The following TNIP1 variants were observed in gnomAD, a reference collection of about 807,000 sequenced individuals.
The protein encoded by TNIP1 is TNFAIP3-interacting protein 1.
A neutral mutation model predicts 86.6 loss-of-function variants in TNIP1; 22 were observed. The ratio of observed to expected loss-of-function variants is 0.25; its 90% CI spans 0.18 to 0.36. The LOEUF (loss-of-function observed/expected upper bound fraction) is 0.36, where lower values mean the gene tolerates loss of function less well. Ranked by LOEUF, TNIP1 falls within the 10% of genes least tolerant of loss-of-function variation. TNIP1 has a pLI of 1.00. For missense variants in TNIP1, 709 were observed against 820.6 expected, an observed-to-expected ratio of 0.86 and a Z score of 1.66; for synonymous variants, 294 against 313.0, an observed-to-expected ratio of 0.94 and a Z score of 0.64.
In TNIP1 at chr5:151,034,945, G is replaced by A. The variant is rs375246593; in HGVS notation, c.1587+57C>T. ...CACACACTGTGCATCCATCAGGCTA[G>A]CTCCATGAGGAAGGTAAGAGGATGT... On this transcript the variant is annotated intron_variant, in intron 15 of 17. Coordinates refer to ENST00000521591, the MANE Select transcript of TNIP1 (RefSeq NM_006058.5). The A allele has an allele frequency of 2.5e-6, 4 of 1,596,538 alleles. No individual in the cohort carries two copies. The African/African-American group carries it at 5.4e-5, about 21-fold the overall frequency.
At chr5:151,056,013 G>A (rs1760613121) in intron 6 of TNIP1, among the ~76,000 whole-genome samples, 1 of 152,234 alleles carries the variant, frequency 6.6e-6, no homozygotes, top group Admixed American at 6.5e-5. Flanking sequence ...GCATGGACTA[G>A]GTTCTGGACT....
chr5:151,086,688 A>G (rs1230455484), intron 1 of TNIP1, among the ~76,000 whole-genome samples: 1 of 152,322 alleles, frequency 6.6e-6, no homozygotes, highest in Middle Eastern at 3.4e-3. Flanking sequence ...TCTCACACAC[A>G]CAAACACCCA....
intron 6 of TNIP1, among the ~76,000 whole-genome samples, chr5:151,052,820 T>C (rs1760127836): frequency 6.6e-6 from 1 of 152,192 alleles, no homozygotes; most frequent in Non-Finnish European, 1.5e-5. Flanking sequence ...CTGGGACCCC[T>C]AACCATCCTC....
At chr5:151,060,793 T>A (rs1183765012) in intron 4 of TNIP1, among the ~76,000 whole-genome samples, 1 of 152,214 alleles carries the variant, frequency 6.6e-6, no homozygotes, top group Non-Finnish European at 1.5e-5. Flanking sequence ...GAAACTACAG[T>A]ATACAGTTGG....
chr5:151,077,857 C>T (rs552826137), intron 1 of TNIP1, among the ~76,000 whole-genome samples: 15 of 152,212 alleles, frequency 9.9e-5, no homozygotes, highest in Non-Finnish European at 2.1e-4. Context: ...GTATCAAAAT[C>T]TTTTAGGGTC....
chr5:151,084,169 A>G (rs1764185575), upstream of TNIP1, among the ~76,000 whole-genome samples: 1 of 152,204 alleles, frequency 6.6e-6, no homozygotes, highest in Non-Finnish European at 1.5e-5. Context: ...CAGGCAGGGC[A>G]TGCCGTGGCT....
chr5:151,059,801 GAGAGAGAGA>G (rs1761171974), intron 5 of TNIP1, among the ~76,000 whole-genome samples: 1 of 108,466 alleles, frequency 9.2e-6, no homozygotes, highest in African/African-American at 4.6e-5. Flanking sequence ...GAGAGAGAGA[GAGAGAGAGA>G]GAGAGAGAGA....
chr5:151,032,088 A>G, intron 17 of TNIP1, 199 bp downstream of exon 17: 2 of 586,236 alleles, frequency 3.4e-6, no homozygotes, highest in Non-Finnish European at 6.0e-6. Context: ...CTGGCATTAG[A>G]TAATGCACTA....
chr5:151,049,694 G>C, intron 8 of TNIP1, 130 bp downstream of exon 8: 1 of 1,149,054 alleles, frequency 8.7e-7, no homozygotes, highest in South Asian at 1.4e-5. Flanking sequence ...AAAAAAACAC[G>C]TAACAGCTAG....
At chr5:151,081,542 A>G (rs929157823), upstream of TNIP1, among the ~76,000 whole-genome samples, 11 of 152,344 alleles carry the variant, frequency 7.2e-5, no homozygotes, top group African/African-American at 2.4e-4. Context: ...AAAGACCCAT[A>G]AAGACTCTAC....
chr5:151,066,134 AGAG>A (rs1213467220), intron 1 of TNIP1, among the ~76,000 whole-genome samples: 4 of 152,236 alleles, frequency 2.6e-5, no homozygotes, highest in African/African-American at 9.6e-5. Context: ...GGGTGAAAGC[AGAG>A]GAGGATGGTG....
intron 6 of TNIP1, among the ~76,000 whole-genome samples, chr5:151,052,965 G>A: frequency 6.6e-6 from 1 of 152,164 alleles, no homozygotes; most frequent in East Asian, 1.9e-4. Flanking sequence ...ATTTGCAGGT[G>A]TGAGAGGTGC....
At chr5:151,051,878 G>A (rs376087031) in intron 7 of TNIP1, among the ~76,000 whole-genome samples, 6 of 152,178 alleles carry the variant, frequency 3.9e-5, no homozygotes, top group South Asian at 4.1e-4. Flanking sequence ...CCAGTTCACC[G>A]TTAACAGGGG....
Position 151,039,094 on chromosome 5 carries a change from C to T in TNIP1, c.1263+3G>A, listed in dbSNP as rs1404112405. 2.5e-6 allele frequency: 4 copies of T among 1,612,066 alleles called. No homozygotes were observed. The highest frequency in any genetic ancestry group is 1.7e-5 in the Admixed American group (1 of 59,832). On this transcript the variant is annotated splice_donor_region_variant and intron_variant, in intron 12 of 17. Coordinates refer to ENST00000521591, the MANE Select transcript of TNIP1 (RefSeq NM_006058.5). ...GCCAAGGGACCCGGGCCAAGGCACC[C>T]ACCTTGTTGAGCCGCTGGATCTCCT...
chr5:151,054,618 G>A (rs1760400205), intron 6 of TNIP1, among the ~76,000 whole-genome samples: 1 of 152,196 alleles, frequency 6.6e-6, no homozygotes, highest in African/African-American at 2.4e-5. Context: ...GGTCAAGGCT[G>A]TAGTGAGCTG....
intron 1 of TNIP1, among the ~76,000 whole-genome samples, chr5:151,073,729 A>AT (rs2113799582): frequency 6.6e-6 from 1 of 152,222 alleles, no homozygotes; most frequent in South Asian, 2.1e-4. Flanking sequence ...TAGATTCTCT[A>AT]TTAAAAAAAA....
In TNIP1 at chr5:151,033,906, G is replaced by T. The variant is rs1044753505; in HGVS notation, c.1588-107C>A. 1.8e-5 allele frequency: 18 copies of T among 1,028,386 alleles called. No individual in the cohort carries two copies. The African/African-American group carries it at 2.2e-4, about 12-fold the overall frequency. The allele number at this position is 1,028,386 out of a possible 1,614,324, so 63.7% of individuals were successfully genotyped here. A position where few individuals can be genotyped will look rare whatever the true frequency, so the allele number is the denominator to read the frequency against. On this transcript the variant is annotated intron_variant, in intron 15 of 17. Coordinates refer to ENST00000521591, the MANE Select transcript of TNIP1 (RefSeq NM_006058.5). ...TAGCTCTCTGAAGGCTAGCAGGCTG[G>T]GTACCAAAGGCTGGTATGTGGTCAT...
At chr5:151,067,961 C>T (rs1762428306) in intron 1 of TNIP1, among the ~76,000 whole-genome samples, 1 of 152,114 alleles carries the variant, frequency 6.6e-6, no homozygotes, top group Admixed American at 6.5e-5. Flanking sequence ...GAACTGAAAC[C>T]CACCCCACGT....
intron 5 of TNIP1, among the ~76,000 whole-genome samples, chr5:151,059,858 TGTGTGTGTGCGCGCGCGCGC>T (rs1169004591): frequency 1.4e-3 from 139 of 98,696 alleles, no homozygotes; most frequent in African/African-American, 5.9e-3. Context: ...TGTGTGTGTG[TGTGTGTGTGCGCGCGCGCGC>T]GCGCATGCGT....
Sources: gnomAD v4.1 joint callset for allele counts (sites outside exome capture counted in the v4.1 genomes callset) on GRCh38, gnomAD v4.1.1 for gene constraint, MANE v1.5 for transcripts, NCBI Gene and HGNC (gene_info 2026-07-23, HGNC 2026-07-21) for gene names.